Variants in ADPRM observed in about 807,000 individuals in gnomAD.
ADPRM encodes the protein manganese-dependent ADP-ribose/CDP-alcohol diphosphatase.
A neutral mutation model predicts 27.2 loss-of-function variants in ADPRM; 17 were observed. The ratio of observed to expected loss-of-function variants is 0.63; its 90% CI spans 0.43 to 0.94. The LOEUF (loss-of-function observed/expected upper bound fraction) is 0.94. ADPRM is among the 40% of genes least tolerant of loss of function. ADPRM has a pLI of 0.00. For synonymous variants in ADPRM, 135 were observed against 145.3 expected, an observed-to-expected ratio of 0.93 and a Z score of 0.51; for missense variants, 337 against 412.8, an observed-to-expected ratio of 0.82 and a Z score of 1.59.
At chr17:10,709,724 T>TAAAAAA (rs10690433) in intron 3 of ADPRM, among the ~76,000 whole-genome samples, 7,329 of 149,410 alleles carry the variant, frequency 0.049, 475 homozygotes, top group African/African-American at 0.15. Context: ...GTATGCACTT[T>TAAAAAA]AAAAAAAAAA....
At chr17:10,706,346 G>A (rs1437312170) in intron 2 of ADPRM, 92 bp from the exon 3 acceptor site, 25 of 800,954 alleles carry the variant, frequency 3.1e-5, no homozygotes, top group Admixed American at 2.5e-4. Flanking sequence ...TATTCCTAAA[G>A]AAAAAACAAG....
At chr17:10,706,803 G>A (rs73974818) in intron 3 of ADPRM, among the ~76,000 whole-genome samples, 5,389 of 152,072 alleles carry the variant, frequency 0.035, 311 homozygotes, top group African/African-American at 0.12. Flanking sequence ...GTTCAAAGTC[G>A]AATTTCCTCA....
At position 10,705,886 on chromosome 17, in the gene ADPRM, T is replaced by G. The variant is rs2074809732; in HGVS notation, c.601+359T>G. On this transcript the variant is annotated intron_variant, in intron 2 of 3. Transcript: ENST00000379774. This position sits in a 1 kb window ranked among gnomAD's most constrained non-coding sequence, Gnocchi z 5.4. ...AGATTATTTCCACGGTCGTAAGTGC[T>G]GCCAAGGAAATAGAGTATGATGTTA... 1 of 282,670 alleles carries G rather than the reference T, an allele frequency of 3.5e-6. No individual in the cohort carries two copies. Among genetic ancestry groups the G allele is most frequent in the Non-Finnish European group, 6.7e-6 (1 of 148,518 alleles). The allele number at this position is 282,670 out of a possible 1,614,324, so 17.5% of individuals were successfully genotyped here. A position where few individuals can be genotyped will look rare whatever the true frequency, so the allele number is the denominator to read the frequency against.
intron 1 of ADPRM, among the ~76,000 whole-genome samples, chr17:10,699,525 T>TC (rs1324620573): frequency 2.8e-5 from 4 of 144,528 alleles, no homozygotes; most frequent in Non-Finnish European, 4.6e-5. Flanking sequence ...TTTCTTTTTT[T>TC]TTTTTTTTTT....
Position 10,705,450 on chromosome 17 carries a change from AGTC to A in ADPRM, c.525_527del (p.Gln175_Ser176delinsHis). 2 of 1,614,086 alleles carry A rather than the reference AGTC, an allele frequency of 1.2e-6. No homozygotes were observed. Among genetic ancestry groups the A allele is most frequent in the African/African-American group, 2.7e-5 (2 of 75,062 alleles). ...GACTTGAGTGTCTTGGGCGTGGATC[AGTC>A]TTCTCCAAAATACGAGCAGTGTATG... On this transcript the variant is annotated inframe_deletion, in exon 2 of 4. Coordinates refer to ENST00000379774, the MANE Select transcript of ADPRM (RefSeq NM_020233.5). This position sits in a 1 kb window ranked among gnomAD's most constrained non-coding sequence, Gnocchi z 5.4.
chr17:10,710,493 A>G (rs539918009), intron 3 of ADPRM, among the ~76,000 whole-genome samples: 1 of 152,328 alleles, frequency 6.6e-6, no homozygotes, highest in South Asian at 2.1e-4. Flanking sequence ...GCATCTGCCC[A>G]GTTTCAGGCT....
chr17:10,700,641 G>A (rs1006742670), intron 1 of ADPRM, among the ~76,000 whole-genome samples: 4 of 151,338 alleles, frequency 2.6e-5, no homozygotes, highest in African/African-American at 9.7e-5. Flanking sequence ...GTACATGCCT[G>A]TAGTCTTAGC....
chr17:10,701,877 T>C (rs1489432761), intron 1 of ADPRM, among the ~76,000 whole-genome samples: 1 of 152,200 alleles, frequency 6.6e-6, no homozygotes, highest in Admixed American at 6.5e-5. Context: ...TCCCCCTACA[T>C]GTCCCTGAAC....
rs774851639 is a variant in ADPRM at position 10,706,420 on chromosome 17, T to C, written c.602-18T>C. On this transcript the variant is annotated intron_variant, in intron 2 of 3. Coordinates refer to ENST00000379774, the MANE Select transcript of ADPRM (RefSeq NM_020233.5). ...GGAAAAATGACTTGATGGGGCTAAC[T>C]TACTGAATTCATTTCAGGACTTTCT... The C allele has an allele frequency of 4.5e-6, 7 of 1,559,100 alleles. No individual in the cohort carries two copies. The highest frequency in any genetic ancestry group is 5.3e-6 in the Non-Finnish European group (6 of 1,142,130).
Position 10,703,930 on chromosome 17 carries a change from C to T in ADPRM, c.-17-980C>T, listed in dbSNP as rs184660940. Among the ~76,000 whole-genome samples, 98 of 152,154 alleles carry T rather than the reference C, an allele frequency of 6.4e-4. 1 individual carries two copies. Among genetic ancestry groups the T allele is most frequent in the Admixed American group, 2.4e-3 (36 of 15,286 alleles). ...AGTTTTTTCAAGTTTAAATCTTGCTCTTTTTGGCCACTGAGGCAGGGCAGA... is the reference window on the plus strand; with the variant it reads ...AGTTTTTTCAAGTTTAAATCTTGCTTTTTTTGGCCACTGAGGCAGGGCAGA... On this transcript the variant is annotated intron_variant, in intron 1 of 3. Transcript: ENST00000379774.
chr17:10,698,342 G>A (rs1226736566), intron 1 of ADPRM: 1 of 152,112 alleles, frequency 6.6e-6, no homozygotes, highest in Non-Finnish European at 1.5e-5. Flanking sequence ...TTGTTAATGA[G>A]GCCAAGAGCA....
intron 1 of ADPRM, among the ~76,000 whole-genome samples, chr17:10,700,426 T>A (rs1437508184): frequency 6.6e-6 from 1 of 151,940 alleles, no homozygotes; most frequent in East Asian, 1.9e-4. Context: ...GCTCAGGAGC[T>A]TGAGACCAGC....
At chr17:10,700,649 A>G (rs1302042378) in intron 1 of ADPRM, among the ~76,000 whole-genome samples, 1 of 151,542 alleles carries the variant, frequency 6.6e-6, no homozygotes, top group Non-Finnish European at 1.5e-5. Flanking sequence ...CTGTAGTCTT[A>G]GCTACCAGGG....
chr17:10,699,333 A>G (rs2074759503), intron 1 of ADPRM: 1 of 152,064 alleles, frequency 6.6e-6, no homozygotes, highest in African/African-American at 2.4e-5. Context: ...TTATAACTGC[A>G]TTTTGGATGA....
chr17:10,701,910 G>A (rs951406936), intron 1 of ADPRM, among the ~76,000 whole-genome samples: 2 of 152,118 alleles, frequency 1.3e-5, no homozygotes, highest in Middle Eastern at 3.2e-3. Flanking sequence ...GGCTAAACTC[G>A]CCAGGAGAGT....
intron 1 of ADPRM, among the ~76,000 whole-genome samples, chr17:10,699,965 C>T (rs1029389500): frequency 1.3e-5 from 2 of 152,210 alleles, no homozygotes; most frequent in Admixed American, 6.5e-5. Context: ...TAGGCCCTAA[C>T]TTTTGTGAAC....
intron 1 of ADPRM, among the ~76,000 whole-genome samples, chr17:10,700,610 C>T (rs559720520): frequency 2.1e-4 from 31 of 149,606 alleles, no homozygotes; most frequent in African/African-American, 7.4e-4. Context: ...AAAAAAAAGC[C>T]AAAAAAAGTC....
Position 10,705,332 on chromosome 17 carries a change from G to C in ADPRM, c.406G>C (p.Val136Leu), listed in dbSNP as rs2074805939. The C allele has an allele frequency of 6.2e-7, 1 of 1,613,940 alleles. No individual in the cohort carries two copies. Among genetic ancestry groups the C allele is most frequent in the East Asian group, 2.2e-5 (1 of 44,878 alleles). Reference sequence around the variant, plus strand: ...CACTAAGTTTCTAGAAGATCAGATTGTACATCATCCTGAGACCATGCCTTC... The same window carrying C: ...CACTAAGTTTCTAGAAGATCAGATTCTACATCATCCTGAGACCATGCCTTC... ...LNTKFLEDQI[V>L]HHPETMPSED... The change falls in exon 2 of 4, where the codon GTA (valine) becomes CTA (leucine). Residue 136 changes from valine (V) to leucine (L), a missense_variant. By Grantham distance (32) the Val-to-Leu change is conservative. Coordinates refer to ENST00000379774, the MANE Select transcript of ADPRM (RefSeq NM_020233.5). The surrounding 1 kb of genome is among the most constrained non-coding windows in gnomAD (Gnocchi z 5.4).
At chr17:10,699,827 C>T (rs1247026380) in intron 1 of ADPRM, among the ~76,000 whole-genome samples, 2 of 152,128 alleles carry the variant, frequency 1.3e-5, no homozygotes, top group Non-Finnish European at 2.9e-5. Context: ...CCACCACACC[C>T]GGCCCCAATT....
Sources: gnomAD v4.1 joint callset for allele counts (sites outside exome capture counted in the v4.1 genomes callset) on GRCh38, gnomAD v4.1.1 for gene constraint, Gnocchi (gnomAD v3.1) non-coding constraint, MANE v1.5 for transcripts, NCBI Gene and HGNC (gene_info 2026-07-23, HGNC 2026-07-21) for gene names.